TDRP: variants seen among roughly 807,000 people sequenced by gnomAD.
The protein encoded by TDRP is testis development-related protein.
A neutral mutation model predicts 10.5 loss-of-function variants in TDRP; 12 were observed. That is an observed-to-expected ratio of 1.15 (90% CI 0.73 to 1.86). TDRP has a LOEUF of 1.86. TDRP is among the 40% of genes most tolerant of loss of function. The pLI is 0.00. For missense variants in TDRP, 353 were observed against 229.2 expected, an observed-to-expected ratio of 1.54 and a Z score of -3.49; for synonymous variants, 139 against 95.4, an observed-to-expected ratio of 1.46 and a Z score of -2.67.
intron 1 of TDRP, among the ~76,000 whole-genome samples, chr8:518,605 T>C (rs1427220970): frequency 7.0e-6 from 1 of 143,800 alleles, no homozygotes; most frequent in Non-Finnish European, 1.5e-5. Context: ...GAAAAGGATC[T>C]TTTCTTCACA....
At chr8:499,304 A>G (rs935613449) in intron 1 of TDRP, among the ~76,000 whole-genome samples, 4 of 152,154 alleles carry the variant, frequency 2.6e-5, no homozygotes, top group African/African-American at 7.2e-5. Flanking sequence ...CTTCCTTACA[A>G]GAATGCCTTA....
intron 1 of TDRP, among the ~76,000 whole-genome samples, chr8:543,242 G>C (rs1039406805): frequency 2.0e-5 from 3 of 152,126 alleles, no homozygotes; most frequent in Non-Finnish European, 4.4e-5. Context: ...AGCCCAGGCA[G>C]GTTGAGGCCG....
chr8:540,161 G>A (rs1802455791), intron 1 of TDRP, among the ~76,000 whole-genome samples: 1 of 152,146 alleles, frequency 6.6e-6, no homozygotes, highest in South Asian at 2.1e-4. Flanking sequence ...AAACTTTGAG[G>A]GCAGAGGTTA....
chr8:540,806 T>TAAAA (rs60390652), intron 1 of TDRP, among the ~76,000 whole-genome samples: 1 of 125,012 alleles, frequency 8.0e-6, no homozygotes, highest in Non-Finnish European at 1.7e-5. Flanking sequence ...CTTTTTCACG[T>TAAAA]AAAAAAAAAA....
chr8:522,118 A>G (rs1801920394), intron 1 of TDRP, among the ~76,000 whole-genome samples: 1 of 151,952 alleles, frequency 6.6e-6, no homozygotes, highest in Admixed American at 6.6e-5. Context: ...TGTGTTTGGG[A>G]TCTTTAGGGT....
intron 1 of TDRP, among the ~76,000 whole-genome samples, chr8:505,891 C>G (rs1340472168): frequency 1.3e-5 from 2 of 152,152 alleles, no homozygotes; most frequent in Non-Finnish European, 2.9e-5. Flanking sequence ...CAAATCACAC[C>G]CAAAGTCGGC....
At chr8:525,825 A>G (rs979325781) in intron 1 of TDRP, among the ~76,000 whole-genome samples, 5 of 152,252 alleles carry the variant, frequency 3.3e-5, no homozygotes, top group South Asian at 4.1e-4. Flanking sequence ...TTATTTATCA[A>G]TAACACTGAA....
intron 1 of TDRP, among the ~76,000 whole-genome samples, chr8:544,170 T>C (rs978309435): frequency 1.3e-5 from 2 of 152,152 alleles, no homozygotes; most frequent in Non-Finnish European, 2.9e-5. Flanking sequence ...CGTCCAAAGC[T>C]GCTTAGTGTC....
At chr8:507,775 T>C (rs6991172) in intron 1 of TDRP, among the ~76,000 whole-genome samples, 93,072 of 152,022 alleles carry the variant, frequency 0.61, 28,687 homozygotes, top group Admixed American at 0.66. Flanking sequence ...GTGGCTACAA[T>C]GTATCATCCA....
At chr8:503,322 C>T (rs1429336513) in intron 1 of TDRP, among the ~76,000 whole-genome samples, 4 of 151,374 alleles carry the variant, frequency 2.6e-5, no homozygotes, top group African/African-American at 4.9e-5. Flanking sequence ...CAGAGTCACA[C>T]ACTGGAACCA....
chr8:523,028 G>A (rs1407533173), intron 1 of TDRP, among the ~76,000 whole-genome samples: 1 of 152,144 alleles, frequency 6.6e-6, no homozygotes, highest in South Asian at 2.1e-4. Context: ...AGTAATTACT[G>A]ATAGGGTAGG....
At chr8:528,951 C>A (rs1166418739) in intron 1 of TDRP, among the ~76,000 whole-genome samples, 1 of 152,108 alleles carries the variant, frequency 6.6e-6, no homozygotes, top group Non-Finnish European at 1.5e-5. Context: ...GGAAGCCAGT[C>A]CGAGTCCCAA....
chr8:503,360 G>A (rs1345071317), intron 1 of TDRP, among the ~76,000 whole-genome samples: 1 of 150,868 alleles, frequency 6.6e-6, no homozygotes, highest in Non-Finnish European at 1.5e-5. Context: ...TGTCAACATG[G>A]AATCCAGAGC....
chr8:515,760 T>C (rs1001411918), intron 1 of TDRP, among the ~76,000 whole-genome samples: 4 of 152,184 alleles, frequency 2.6e-5, no homozygotes, highest in African/African-American at 9.7e-5. Flanking sequence ...GAAAGGAAAA[T>C]ATAATTTTTA....
chr8:492,793 T>C, intron 2 of TDRP, 49 bp from the exon 3 acceptor site: 1 of 1,343,598 alleles, frequency 7.4e-7, no homozygotes, highest in Non-Finnish European at 1.0e-6. Flanking sequence ...TCTTAGGGCC[T>C]CAAGCTTTAT....
rs756559337 is a variant in TDRP, at chr8:490,236, GTTAAT to G, written c.*2158_*2162del. The G allele has an allele frequency of 1.7e-4, 26 of 152,224 alleles. No individual in the cohort carries two copies. The highest frequency in any genetic ancestry group is 3.9e-4 in the Admixed American group (6 of 15,298). The allele number at this position is 152,224 out of a possible 1,614,324, so 9.4% of individuals were successfully genotyped here. ...ATAAATATTTATATTAAAAACCACA[GTTAAT>G]TTAATCAGGCACAGAAGAAAAAATC... On this transcript the variant is annotated 3_prime_UTR_variant, in exon 3 of 3. Coordinates refer to ENST00000324079, the MANE Select transcript of TDRP (RefSeq NM_001384899.1).
intron 1 of TDRP, among the ~76,000 whole-genome samples, chr8:519,144 A>G (rs1801831475): frequency 1.3e-5 from 2 of 152,196 alleles, no homozygotes; most frequent in South Asian, 4.1e-4. Context: ...CTAGGGAATG[A>G]AACCTCCATT....
chr8:532,079 G>C (rs1022269056), intron 1 of TDRP, among the ~76,000 whole-genome samples: 3 of 152,186 alleles, frequency 2.0e-5, no homozygotes, highest in Non-Finnish European at 4.4e-5. Context: ...AACAGTGTCA[G>C]AAATCCAGGT....
intron 1 of TDRP, among the ~76,000 whole-genome samples, chr8:531,180 T>A (rs1218023307): frequency 6.6e-6 from 1 of 152,200 alleles, no homozygotes; most frequent in Non-Finnish European, 1.5e-5. Context: ...TGGCTTTTTT[T>A]TTCTCCTACT....
Sources: gnomAD v4.1 joint callset for allele counts (sites outside exome capture counted in the v4.1 genomes callset) on GRCh38, gnomAD v4.1.1 for gene constraint, MANE v1.5 for transcripts, NCBI Gene and HGNC (gene_info 2026-07-23, HGNC 2026-07-21) for gene names.